Variants in ADGB observed in about 807,000 individuals in gnomAD.
The protein encoded by ADGB is calpain-7-like protein.
Under a neutral mutation model 210.5 loss-of-function variants are expected in ADGB, and 172 were observed. The ratio of observed to expected loss-of-function variants is 0.82; its 90% CI spans 0.72 to 0.93. The LOEUF (loss-of-function observed/expected upper bound fraction) is 0.93, where lower values mean the gene tolerates loss of function less well. Among genes scored for constraint, ADGB ranks in the 40% least tolerant of loss-of-function variants. ADGB has a pLI of 0.00. For synonymous variants in ADGB, 658 were observed against 662.7 expected (o/e 0.99, Z 0.11); for missense variants, 2,025 against 1,964.8 (o/e 1.03, Z -0.58).
intron 33 of ADGB, among the ~76,000 whole-genome samples, chr6:146,792,714 A>G (rs1221417817): frequency 1.3e-5 from 2 of 152,112 alleles, no homozygotes; most frequent in Non-Finnish European, 2.9e-5. Context: ...TTGCATAGAG[A>G]GGAGAAATAA....
intron 20 of ADGB, among the ~76,000 whole-genome samples, chr6:146,731,394 T>C: frequency 6.6e-6 from 1 of 151,142 alleles, no homozygotes; most frequent in Non-Finnish European, 1.5e-5. Context: ...CAGCTACCAC[T>C]GGCCTTGAGG....
At chr6:146,694,383 A>G (rs1161954539) in intron 12 of ADGB, among the ~76,000 whole-genome samples, 1 of 152,158 alleles carries the variant, frequency 6.6e-6, no homozygotes, top group African/African-American at 2.4e-5. Context: ...CACCTAGTGG[A>G]AGGGGTGAAT....
chr6:146,774,246 C>T (rs766532733), intron 29 of ADGB, among the ~76,000 whole-genome samples: 21 of 152,016 alleles, frequency 1.4e-4, no homozygotes, highest in Non-Finnish European at 2.5e-4. Flanking sequence ...ACATTAATAT[C>T]TGAAATGAAC....
chr6:146,651,365 GGCCGCTCACT>G (rs1775699850), intron 3 of ADGB, among the ~76,000 whole-genome samples: 1 of 152,188 alleles, frequency 6.6e-6, no homozygotes, highest in African/African-American at 2.4e-5. Context: ...ACTCAAATTT[GGCCGCTCACT>G]GCCCAGAGGC....
intron 32 of ADGB, among the ~76,000 whole-genome samples, chr6:146,787,580 A>G (rs1777891608): frequency 3.3e-5 from 5 of 151,962 alleles, no homozygotes; most frequent in Admixed American, 3.3e-4. Flanking sequence ...CTTTAATAAT[A>G]TTTTTAGGGA....
intron 27 of ADGB, among the ~76,000 whole-genome samples, chr6:146,757,281 GT>G (rs201373971): frequency 0.013 from 2,043 of 151,862 alleles, 113 homozygotes; most frequent in Admixed American, 0.11. Context: ...GATTGTGGTG[GT>G]TTTTGTTAAT....
At chr6:146,624,045 ATGTCT>A (rs1466562786) in intron 1 of ADGB, among the ~76,000 whole-genome samples, 1 of 151,492 alleles carries the variant, frequency 6.6e-6, no homozygotes, top group Non-Finnish European at 1.5e-5. Flanking sequence ...TTTTATTTTG[ATGTCT>A]TGTCTGGTTT....
chr6:146,660,712 T>C (rs1025109019), intron 5 of ADGB, among the ~76,000 whole-genome samples: 5 of 152,174 alleles, frequency 3.3e-5, no homozygotes, highest in African/African-American at 1.2e-4. Flanking sequence ...CATCTTTATG[T>C]ATATAGTCTT....
chr6:146,777,930 G>C (rs1033384357), intron 29 of ADGB, among the ~76,000 whole-genome samples: 3 of 152,082 alleles, frequency 2.0e-5, no homozygotes, highest in Non-Finnish European at 4.4e-5. Flanking sequence ...CATTTTACAG[G>C]TTATCTGTAT....
At chr6:146,609,080 A>G (rs1044318840) in intron 1 of ADGB, among the ~76,000 whole-genome samples, 1 of 152,150 alleles carries the variant, frequency 6.6e-6, no homozygotes, top group Non-Finnish European at 1.5e-5. Flanking sequence ...TATATTTAGG[A>G]TAGTTAAGTC....
At chr6:146,623,800 AT>A (rs1321390369) in intron 1 of ADGB, among the ~76,000 whole-genome samples, 1 of 151,732 alleles carries the variant, frequency 6.6e-6, no homozygotes, top group Non-Finnish European at 1.5e-5. Flanking sequence ...GACTGCTGGA[AT>A]TTTTTCAAAT....
At chr6:146,719,302 T>C (rs1776781247) in intron 16 of ADGB, among the ~76,000 whole-genome samples, 1 of 152,180 alleles carries the variant, frequency 6.6e-6, no homozygotes, top group Non-Finnish European at 1.5e-5. Flanking sequence ...AATTTAAAAG[T>C]GTATGTGGTA....
chr6:146,740,974 G>A, intron 24 of ADGB, 144 bp from the exon 25 acceptor site: 1 of 576,914 alleles, frequency 1.7e-6, no homozygotes, highest in Non-Finnish European at 2.8e-6. Context: ...CATATTAATA[G>A]TAATTTTTAA....
intron 20 of ADGB, among the ~76,000 whole-genome samples, chr6:146,730,083 G>A (rs1776957374): frequency 6.6e-6 from 1 of 152,062 alleles, no homozygotes; most frequent in Non-Finnish European, 1.5e-5. Context: ...AACCATATGT[G>A]CAATATTTAG....
At chr6:146,681,662 A>T (rs1242722906) in intron 9 of ADGB, among the ~76,000 whole-genome samples, 2 of 152,124 alleles carry the variant, frequency 1.3e-5, no homozygotes, top group Non-Finnish European at 2.9e-5. Flanking sequence ...CTGATGAAAG[A>T]AATAGATTAG....
At chr6:146,803,599 AT>A in intron 35 of ADGB, 1 of 1,367,652 alleles carries the variant, frequency 7.3e-7, no homozygotes, top group Non-Finnish European at 1.0e-6. Context: ...AACCTCCTTC[AT>A]GTTCTTATCA....
At position 146,672,409 on chromosome 6, in the gene ADGB, A is replaced by G. The variant is rs755869219; in HGVS notation, c.1029A>G (p.Lys343=). 9.7e-6 allele frequency: 15 copies of G among 1,551,304 alleles called. No individual in the cohort carries two copies. In the South Asian group the frequency reaches 1.8e-4, roughly 18 times the overall value. ...GKEVKDVKEF[K]PESSLTTLKA... ...AAGTAAAAGACGTGAAGGAATTCAA[A>G]CCTGAAAGTTCTTTGACAACACTAA... The change falls in exon 8 of 36, where the codon AAA becomes AAG. Residue 343 remains lysine, a synonymous_variant. Coordinates refer to ENST00000397944, the MANE Select transcript of ADGB (RefSeq NM_024694.4).
At chr6:146,799,058 C>CTAA in intron 33 of ADGB, among the ~76,000 whole-genome samples, 1 of 63,512 alleles carries the variant, frequency 1.6e-5, no homozygotes, top group Non-Finnish European at 2.8e-5. Context: ...TATGGAAATG[C>CTAA]AAAAAAAAAA....
At chr6:146,616,113 G>T (rs1583560320) in intron 1 of ADGB, among the ~76,000 whole-genome samples, 1 of 152,160 alleles carries the variant, frequency 6.6e-6, no homozygotes, top group South Asian at 2.1e-4. Context: ...ATTTTTAACT[G>T]AGGGTGTAAT....
Sources: gnomAD v4.1 joint callset for allele counts (sites outside exome capture counted in the v4.1 genomes callset) on GRCh38, gnomAD v4.1.1 for gene constraint, MANE v1.5 for transcripts, NCBI Gene and HGNC (gene_info 2026-07-23, HGNC 2026-07-21) for gene names.